Variants in LRMDA observed in about 807,000 individuals in gnomAD.
The protein encoded by LRMDA is leucine rich melanocyte differentiation associated, also known as leucine-rich melanocyte differentiation-associated protein.
Under a neutral mutation model 29.8 loss-of-function variants are expected in LRMDA, and 18 were observed. The ratio of observed to expected loss-of-function variants is 0.60; its 90% confidence interval spans 0.42 to 0.90. The LOEUF is 0.90. LRMDA is among the 40% of genes least tolerant of loss of function. LRMDA has a pLI of 0.00. For missense variants in LRMDA, 273 were observed against 273.9 expected (o/e 1.00, Z 0.02); for synonymous variants, 125 against 109.4 (o/e 1.14, Z -0.89).
At chr10:76,421,926 A>G (rs1294825545) in intron 6 of LRMDA, among the ~76,000 whole-genome samples, 4 of 152,196 alleles carry the variant, frequency 2.6e-5, no homozygotes, top group Non-Finnish European at 4.4e-5. Context: ...ATTCCTTCAG[A>G]GAAGACATAT....
intron 2 of LRMDA, among the ~76,000 whole-genome samples, chr10:75,588,928 A>G (rs1840688204): frequency 6.6e-6 from 1 of 152,198 alleles, no homozygotes; most frequent in African/African-American, 2.4e-5. Context: ...CATTCCACAC[A>G]TAGAGAGCTT....
chr10:75,841,869 C>A (rs1844546379), intron 2 of LRMDA, among the ~76,000 whole-genome samples: 1 of 152,164 alleles, frequency 6.6e-6, no homozygotes, highest in Non-Finnish European at 1.5e-5. Context: ...ATTGTCACAG[C>A]TTAGATGGCT....
At chr10:76,375,065 C>G (rs1479421850) in intron 6 of LRMDA, among the ~76,000 whole-genome samples, 3 of 151,946 alleles carry the variant, frequency 2.0e-5, no homozygotes, top group African/African-American at 7.3e-5. Context: ...AATTTCTTAA[C>G]AAAGAAAAGA....
At chr10:75,722,364 T>C (rs1341283360) in intron 2 of LRMDA, among the ~76,000 whole-genome samples, 3 of 152,120 alleles carry the variant, frequency 2.0e-5, no homozygotes, top group Non-Finnish European at 4.4e-5. Context: ...TTTCAGATGC[T>C]AAAAAAGTAA....
chr10:76,462,271 T>G (rs2132309351), intron 6 of LRMDA, among the ~76,000 whole-genome samples: 1 of 150,772 alleles, frequency 6.6e-6, no homozygotes, highest in South Asian at 2.1e-4. Context: ...GATAGAAGAG[T>G]CTCTTAGAAC....
At chr10:76,365,691 G>A (rs1443067554) in intron 6 of LRMDA, among the ~76,000 whole-genome samples, 3 of 152,132 alleles carry the variant, frequency 2.0e-5, no homozygotes, top group Non-Finnish European at 2.9e-5. Flanking sequence ...CCCGCTCTGC[G>A]GGTTGTCTGT....
chr10:76,502,071 T>C (rs1174611673), intron 6 of LRMDA, among the ~76,000 whole-genome samples: 1 of 152,052 alleles, frequency 6.6e-6, no homozygotes, highest in Non-Finnish European at 1.5e-5. Flanking sequence ...TTCAATCTTC[T>C]GTATATGGCT....
At position 75,711,452 on chromosome 10, in the gene LRMDA, T is replaced by C. The variant is rs139763909; in HGVS notation, c.131+272958T>C. 7.5e-3 allele frequency among the ~76,000 whole-genome samples: 1,147 copies of C among 152,276 alleles called. 18 individuals are homozygous for C. The highest frequency in any genetic ancestry group is 0.026 in the African/African-American group (1,090 of 41,536). ...AATTATCACTAGTTACAATTCCCTG[T>C]TTTTTTGGAACATTGTGTAGAAGAA... On this transcript the variant is annotated intron_variant, in intron 2 of 6. Transcript: ENST00000611255.
intron 6 of LRMDA, among the ~76,000 whole-genome samples, chr10:76,549,400 A>G (rs1193464251): frequency 2.6e-5 from 4 of 152,168 alleles, no homozygotes; most frequent in Non-Finnish European, 5.9e-5. Context: ...CAGGCTGTAT[A>G]ATCTGTCCTC....
intron 2 of LRMDA, among the ~76,000 whole-genome samples, chr10:75,535,273 C>T (rs1481274603): frequency 6.6e-6 from 1 of 152,080 alleles, no homozygotes; most frequent in Non-Finnish European, 1.5e-5. Context: ...AGGATTGACA[C>T]ACCATCAACA....
intron 2 of LRMDA, among the ~76,000 whole-genome samples, chr10:76,018,159 A>G (rs1847909554): frequency 6.6e-6 from 1 of 152,216 alleles, no homozygotes; most frequent in African/African-American, 2.4e-5. Flanking sequence ...CCGACAATAG[A>G]CAGAGCAAAA....
chr10:76,249,473 G>A (rs535974193), intron 5 of LRMDA, among the ~76,000 whole-genome samples: 2 of 152,212 alleles, frequency 1.3e-5, no homozygotes, highest in Admixed American at 6.5e-5. Flanking sequence ...AACTCCGATG[G>A]CACCCATGAA....
At chr10:76,363,511 C>G (rs1209244647) in intron 6 of LRMDA, among the ~76,000 whole-genome samples, 1 of 151,972 alleles carries the variant, frequency 6.6e-6, no homozygotes, top group East Asian at 1.9e-4. Context: ...GTTTTAGTTC[C>G]TTAAACTTAA....
At chr10:75,964,573 A>G (rs1406196605) in intron 2 of LRMDA, among the ~76,000 whole-genome samples, 2 of 152,160 alleles carry the variant, frequency 1.3e-5, no homozygotes, top group East Asian at 3.8e-4. Flanking sequence ...AAGATGATCA[A>G]ACTGGTGGAA....
chr10:75,656,484 C>A (rs867946461), intron 2 of LRMDA, among the ~76,000 whole-genome samples: 1 of 152,196 alleles, frequency 6.6e-6, no homozygotes, highest in Non-Finnish European at 1.5e-5. Context: ...CAAAGAGTAG[C>A]AGTCCCCGTG....
intron 2 of LRMDA, among the ~76,000 whole-genome samples, chr10:75,963,636 A>C (rs1225459305): frequency 6.6e-6 from 1 of 152,206 alleles, no homozygotes; most frequent in Non-Finnish European, 1.5e-5. Flanking sequence ...TAACTTGGTG[A>C]ATCTGGGAAG....
At chr10:76,121,893 AT>A in intron 5 of LRMDA, among the ~76,000 whole-genome samples, 1 of 152,278 alleles carries the variant, frequency 6.6e-6, no homozygotes, top group African/African-American at 2.4e-5. Flanking sequence ...TTCCACAAAC[AT>A]TTATAAAGAC....
intron 2 of LRMDA, among the ~76,000 whole-genome samples, chr10:75,733,918 C>T (rs116023179): frequency 1.1e-4 from 16 of 152,244 alleles, no homozygotes; most frequent in African/African-American, 3.9e-4. Flanking sequence ...GGACTTTTAT[C>T]GGTAGTAGCC....
intron 2 of LRMDA, among the ~76,000 whole-genome samples, chr10:75,526,696 A>C (rs1845416634): frequency 6.6e-6 from 1 of 151,996 alleles, no homozygotes; most frequent in Non-Finnish European, 1.5e-5. Flanking sequence ...CTCTAAAAAA[A>C]AATTTAAAAA....
Sources: gnomAD v4.1 joint callset for allele counts (sites outside exome capture counted in the v4.1 genomes callset) on GRCh38, gnomAD v4.1.1 for gene constraint, MANE v1.5 for transcripts, NCBI Gene and HGNC (gene_info 2026-07-23, HGNC 2026-07-21) for gene names.